Variants in KDM4C observed in about 807,000 individuals in gnomAD.
KDM4C encodes lysine-specific demethylase 4C.
In KDM4C, 81 loss-of-function variants were observed where a neutral mutation model predicts 129.3. That is an observed-to-expected ratio of 0.63 (90% CI 0.52 to 0.75). KDM4C has a LOEUF of 0.75. Among genes scored for constraint, KDM4C ranks in the 30% least tolerant of loss-of-function variants. The pLI is 0.00. For missense variants in KDM4C, 1,457 were observed against 1,304.0 expected (o/e 1.12, Z -1.81); for synonymous variants, 573 against 456.1 (o/e 1.26, Z -3.26).
At chr9:7,018,163 T>G (rs1824016086) in intron 15 of KDM4C, among the ~76,000 whole-genome samples, 1 of 152,260 alleles carries the variant, frequency 6.6e-6, no homozygotes, top group African/African-American at 2.4e-5. Flanking sequence ...TGGTATAGCC[T>G]GCTACACACC....
chr9:6,974,835 A>C (rs771906500), intron 8 of KDM4C: 2 of 152,202 alleles, frequency 1.3e-5, no homozygotes, highest in African/African-American at 4.8e-5. Context: ...TCTACCCCCG[A>C]ATACTAAAGA....
At chr9:7,140,183 A>G (rs1321216608) in intron 19 of KDM4C, among the ~76,000 whole-genome samples, 1 of 152,150 alleles carries the variant, frequency 6.6e-6, no homozygotes, top group African/African-American at 2.4e-5. Flanking sequence ...TTAGCGAGAC[A>G]GTTAACAACC....
intron 1 of KDM4C, chr9:6,723,630 C>CAAA (rs4008336): frequency 4.5e-5 from 5 of 112,122 alleles, no homozygotes; most frequent in Admixed American, 1.0e-4. Context: ...GACTCCATCT[C>CAAA]AAAAAAAAAA....
intron 8 of KDM4C, among the ~76,000 whole-genome samples, chr9:6,934,488 A>C (rs1824367333): frequency 1.4e-5 from 2 of 147,184 alleles, no homozygotes; most frequent in Non-Finnish European, 3.0e-5. Context: ...AAAAAAAAAA[A>C]AAATTGGATA....
At position 6,863,766 on chromosome 9, in the gene KDM4C, C is replaced by T. The variant is rs548098738; in HGVS notation, c.629+14066C>T. Among the ~76,000 whole-genome samples the T allele has an allele frequency of 1.1e-4, 17 of 148,120 alleles. No homozygotes were observed. The South Asian group carries it at 3.7e-3, about 33-fold the overall frequency. On this transcript the variant is annotated intron_variant, in intron 5 of 21. Transcript: ENST00000381309. ...GCCGAGATCTTGCCACTGCCTCCAG[C>T]CTGGGCGACACAGCGAGACTCCATC... is the stretch of plus-strand genomic sequence containing the variant.
intron 1 of KDM4C, among the ~76,000 whole-genome samples, chr9:6,769,515 A>T (rs1354321954): frequency 6.6e-6 from 1 of 152,184 alleles, no homozygotes; most frequent in Non-Finnish European, 1.5e-5. Context: ...TCATTTCTCA[A>T]ATGGGAATAA....
At chr9:6,850,162 C>G (rs1039700560) in intron 5 of KDM4C, among the ~76,000 whole-genome samples, 3 of 152,182 alleles carry the variant, frequency 2.0e-5, no homozygotes, top group African/African-American at 4.8e-5. Context: ...TAAGTCCACT[C>G]CATGATGTTC....
intron 17 of KDM4C, among the ~76,000 whole-genome samples, 149 bp from the exon 18 acceptor site, chr9:7,103,527 GCTGTCACCA>G (rs1315233580): frequency 1.3e-5 from 2 of 151,698 alleles, no homozygotes; most frequent in Admixed American, 1.3e-4. Context: ...TGCCACAGAT[GCTGTCACCA>G]CTAGGGCCCC....
intron 17 of KDM4C, among the ~76,000 whole-genome samples, chr9:7,080,241 C>T (rs1431963328): frequency 6.6e-6 from 1 of 152,246 alleles, no homozygotes; most frequent in East Asian, 1.9e-4. Context: ...TCCTAAATAA[C>T]CCCCATGTAT....
At position 6,975,795 on chromosome 9, in the gene KDM4C, G is replaced by T. The variant is rs551787815; in HGVS notation, c.922-5130G>T. Among the ~76,000 whole-genome samples the T allele has an allele frequency of 2.6e-5, 4 of 152,226 alleles. No homozygotes were observed. The East Asian group carries it at 7.7e-4, about 29-fold the overall frequency. The stretch of plus-strand genomic sequence containing the variant: ...GGTGGCTCACACCTGTAATCCCACC[G>T]CTTTGGGCGAGGTGGGTGGATCACC... On this transcript the variant is annotated intron_variant, in intron 8 of 21. Coordinates refer to ENST00000381309, the MANE Select transcript of KDM4C (RefSeq NM_015061.6).
intron 8 of KDM4C, among the ~76,000 whole-genome samples, chr9:6,919,280 T>C (rs1236787220): frequency 2.6e-5 from 2 of 78,356 alleles, no homozygotes; most frequent in Non-Finnish European, 5.9e-5. Context: ...TCTGTCTCTC[T>C]CTCTCTCTTT....
At chr9:7,057,036 C>T (rs1227932250) in intron 17 of KDM4C, among the ~76,000 whole-genome samples, 1 of 152,158 alleles carries the variant, frequency 6.6e-6, no homozygotes. Context: ...AAGGTACGGT[C>T]ATTATTGTGT....
chr9:7,014,029 C>G (rs753920480), intron 14 of KDM4C, 28 bp downstream of exon 14: 1 of 1,573,110 alleles, frequency 6.4e-7, no homozygotes, highest in South Asian at 1.1e-5. Flanking sequence ...TCATCAATCA[C>G]TGGCTTTTCA....
Position 6,984,304 on chromosome 9 carries a change from A to C in KDM4C, c.1254A>C (p.Ala418=). ...DDLKVSEKSE[A]AVKLRNTEAS... is the part of the protein sequence containing the mutation. ...TCAAGGTCAGTGAAAAGTCAGAAGC[A>C]GCAGTGAAGCTGAGGAACACAGAAG... The change falls in exon 10 of 22, where the codon GCA becomes GCC. Residue 418 remains alanine, a synonymous_variant. Coordinates refer to ENST00000381309, the MANE Select transcript of KDM4C (RefSeq NM_015061.6). The C allele has an allele frequency of 1.9e-6, 3 of 1,614,116 alleles. No homozygotes were observed. Among genetic ancestry groups the C allele is most frequent in the Non-Finnish European group, 2.5e-6 (3 of 1,179,960 alleles).
intron 8 of KDM4C, among the ~76,000 whole-genome samples, chr9:6,927,838 G>T (rs1324586875): frequency 1.3e-5 from 2 of 152,100 alleles, no homozygotes; most frequent in African/African-American, 4.8e-5. Flanking sequence ...TCTTCTCAAG[G>T]CATTCTAATC....
intron 15 of KDM4C, among the ~76,000 whole-genome samples, chr9:7,021,939 A>AT (rs1197604097): frequency 6.6e-6 from 1 of 152,096 alleles, no homozygotes; most frequent in Non-Finnish European, 1.5e-5. Context: ...TATTCTTGTC[A>AT]TCTTTGTTGA....
At chr9:7,070,399 G>A (rs1003937313) in intron 17 of KDM4C, among the ~76,000 whole-genome samples, 3 of 152,084 alleles carry the variant, frequency 2.0e-5, no homozygotes, top group African/African-American at 7.2e-5. Context: ...CATAGGGCCA[G>A]CATAACCCTG....
intron 18 of KDM4C, among the ~76,000 whole-genome samples, chr9:7,112,735 C>T (rs1006921766): frequency 2.0e-5 from 3 of 152,146 alleles, no homozygotes; most frequent in African/African-American, 7.2e-5. Flanking sequence ...AGCTCACTTC[C>T]ATGGCTTGAT....
intron 8 of KDM4C, among the ~76,000 whole-genome samples, chr9:6,905,884 C>T (rs1818226223): frequency 6.6e-6 from 1 of 152,094 alleles, no homozygotes; most frequent in African/African-American, 2.4e-5. Context: ...ATTTTATGTT[C>T]ACATTGAGGA....
Sources: allele counts gnomAD v4.1 joint callset (sites outside exome capture counted in the v4.1 genomes callset), GRCh38; gene constraint gnomAD v4.1.1; transcripts MANE v1.5; gene names NCBI Gene and HGNC (gene_info 2026-07-23, HGNC 2026-07-21).